ROR2: variants seen among roughly 807,000 people sequenced by gnomAD.
ROR2 encodes the protein ROR family WNT receptor 2.
In ROR2, 33 loss-of-function variants were observed where a neutral mutation model predicts 74.9. The ratio of observed to expected loss-of-function variants is 0.44; its 90% CI spans 0.33 to 0.59. The LOEUF (loss-of-function observed/expected upper bound fraction) is 0.59, where lower values mean the gene tolerates loss of function less well. ROR2 is among the 20% of genes least tolerant of loss of function. ROR2 has a pLI of 0.02. For missense variants in ROR2, 1,216 were observed against 1,313.8 expected, an observed-to-expected ratio of 0.93 and a Z score of 1.15; for synonymous variants, 586 against 558.7, an observed-to-expected ratio of 1.05 and a Z score of -0.69.
intron 1 of ROR2, among the ~76,000 whole-genome samples, chr9:91,926,081 T>TA (rs1198060962): frequency 2.7e-5 from 4 of 149,408 alleles, no homozygotes; most frequent in African/African-American, 4.9e-5. Flanking sequence ...CCATCTCTAC[T>TA]AAAAAAATAC....
intron 1 of ROR2, among the ~76,000 whole-genome samples, chr9:91,859,730 C>G (rs915082752): frequency 6.6e-6 from 1 of 152,136 alleles, no homozygotes; most frequent in African/African-American, 2.4e-5. Context: ...GAGGCTGAGG[C>G]AGGAGAATTG....
intron 1 of ROR2, among the ~76,000 whole-genome samples, chr9:91,866,244 T>C (rs1217574625): frequency 6.6e-6 from 1 of 152,084 alleles, no homozygotes; most frequent in African/African-American, 2.4e-5. Context: ...CTCAGTCTCC[T>C]GAGTAGCTGG....
intron 1 of ROR2, among the ~76,000 whole-genome samples, chr9:91,805,363 C>T (rs377631499): frequency 6.6e-6 from 1 of 152,192 alleles, no homozygotes; most frequent in Non-Finnish European, 1.5e-5. Flanking sequence ...AGGTGAGGAC[C>T]CCAAGACACA....
At chr9:91,839,028 A>C (rs1182586293) in intron 1 of ROR2, among the ~76,000 whole-genome samples, 1 of 152,234 alleles carries the variant, frequency 6.6e-6, no homozygotes, top group Non-Finnish European at 1.5e-5. Context: ...GCATTAAAAT[A>C]AAGACACAAA....
intron 4 of ROR2, among the ~76,000 whole-genome samples, chr9:91,745,020 G>A (rs1825362972): frequency 6.6e-6 from 1 of 152,136 alleles, no homozygotes; most frequent in Admixed American, 6.6e-5. Context: ...AACCTAAAGC[G>A]GCATTCCATG....
In ROR2 at chr9:91,932,841, C is replaced by T. The variant is rs144088775; in HGVS notation, c.97+17026G>A. Reference sequence around the variant, plus strand: ...GGACAATTGTTAAAATGTCAACATACAGAATTAAGATGCCATTTCTATTTT... The same window carrying T: ...GGACAATTGTTAAAATGTCAACATATAGAATTAAGATGCCATTTCTATTTT... On this transcript the variant is annotated intron_variant, in intron 1 of 8. Coordinates refer to ENST00000375708, the MANE Select transcript of ROR2 (RefSeq NM_004560.4). Among the ~76,000 whole-genome samples, 228 of 152,238 alleles carry T rather than the reference C, an allele frequency of 1.5e-3. 1 individual carries two copies. Among genetic ancestry groups the T allele is most frequent in the African/African-American group, 5.2e-3 (216 of 41,536 alleles).
chr9:91,921,194 C>T (rs1831254848), intron 1 of ROR2, among the ~76,000 whole-genome samples: 1 of 152,246 alleles, frequency 6.6e-6, no homozygotes, highest in South Asian at 2.1e-4. Context: ...TGTCCTAGTG[C>T]TCTCTGACCT....
chr9:91,897,051 G>C (rs892864370), intron 1 of ROR2, among the ~76,000 whole-genome samples: 2 of 152,178 alleles, frequency 1.3e-5, no homozygotes, highest in Non-Finnish European at 2.9e-5. Context: ...TTCCGTGTTC[G>C]GTGCAATGCA....
intron 1 of ROR2, among the ~76,000 whole-genome samples, chr9:91,813,696 G>T (rs1827831566): frequency 6.6e-6 from 1 of 152,156 alleles, no homozygotes; most frequent in South Asian, 2.1e-4. Flanking sequence ...TTCCTCAGCT[G>T]CGCTTTGCCA....
chr9:91,756,193 G>T, intron 3 of ROR2, 92 bp from the exon 4 acceptor site: 1 of 1,293,770 alleles, frequency 7.7e-7, no homozygotes, highest in Non-Finnish European at 1.1e-6. Flanking sequence ...ACAGGCTGAA[G>T]CCAGCGGGCT....
At chr9:91,880,247 G>C (rs1036104361) in intron 1 of ROR2, among the ~76,000 whole-genome samples, 2 of 152,142 alleles carry the variant, frequency 1.3e-5, no homozygotes, top group Non-Finnish European at 2.9e-5. Context: ...AAGGAGAGAG[G>C]CCACAGGAGA....
chr9:91,895,062 T>A (rs917429297), intron 1 of ROR2, among the ~76,000 whole-genome samples: 1 of 152,214 alleles, frequency 6.6e-6, no homozygotes, highest in Non-Finnish European at 1.5e-5. Flanking sequence ...TTGTGGTACA[T>A]CTAGTGGATG....
At chr9:91,737,343 G>T in intron 5 of ROR2, 48 bp downstream of exon 5, 1 of 1,613,012 alleles carries the variant, frequency 6.2e-7, no homozygotes. Flanking sequence ...TGCGACAGAT[G>T]GCTGTGTGCA....
intron 1 of ROR2, among the ~76,000 whole-genome samples, chr9:91,931,852 C>G (rs1308919975): frequency 6.6e-6 from 1 of 152,164 alleles, no homozygotes; most frequent in Non-Finnish European, 1.5e-5. Context: ...CAATTTATAG[C>G]CTTAAGAACT....
intron 1 of ROR2, among the ~76,000 whole-genome samples, chr9:91,837,141 GTTT>G (rs11296952): frequency 1.3e-5 from 2 of 150,342 alleles, no homozygotes; most frequent in East Asian, 3.9e-4. Flanking sequence ...ATTGCTTACT[GTTT>G]TTTTTTTTGT....
chr9:91,884,634 T>C (rs966503539), intron 1 of ROR2, among the ~76,000 whole-genome samples: 3 of 152,154 alleles, frequency 2.0e-5, no homozygotes, highest in Non-Finnish European at 4.4e-5. Context: ...GATCTGACGA[T>C]ATCTGACAAA....
intron 2 of ROR2, among the ~76,000 whole-genome samples, chr9:91,769,066 C>T (rs868534393): frequency 2.2e-4 from 34 of 152,098 alleles, no homozygotes; most frequent in Middle Eastern, 3.2e-3. Flanking sequence ...GTGGGCCGGG[C>T]GGAGGCAGAC....
intron 1 of ROR2, among the ~76,000 whole-genome samples, chr9:91,915,709 G>T (rs1455318634): frequency 1.3e-5 from 2 of 152,160 alleles, no homozygotes; most frequent in Admixed American, 1.3e-4. Flanking sequence ...ACATCCTGCT[G>T]ATTGGTCCAT....
In ROR2 at chr9:91,778,755, C is replaced by T. The variant is rs558890978; in HGVS notation, c.98-2937G>A. 2.0e-5 allele frequency among the ~76,000 whole-genome samples: 3 copies of T among 152,282 alleles called. No homozygotes were observed. In the South Asian group the frequency reaches 6.2e-4, roughly 32 times the overall value. On this transcript the variant is annotated intron_variant, in intron 1 of 8. Transcript: ENST00000375708. ...TGTCATCCGTATGACAGGCACAGTG[C>T]CCTGACTTTTCTCCGCTGGACCTGG...
Sources: gnomAD v4.1 joint callset for allele counts (sites outside exome capture counted in the v4.1 genomes callset) on GRCh38, gnomAD v4.1.1 for gene constraint, MANE v1.5 for transcripts, NCBI Gene and HGNC (gene_info 2026-07-23, HGNC 2026-07-21) for gene names.